The following CYRIB variants were observed in gnomAD, a reference collection of about 807,000 sequenced individuals.
CYRIB encodes CYFIP related Rac1 interactor B.
A neutral mutation model predicts 44.2 loss-of-function variants in CYRIB; 8 were observed. The observed-to-expected ratio is 0.18, with a 90% CI of 0.11 to 0.33. CYRIB has a LOEUF of 0.33. Ranked by LOEUF, CYRIB falls within the 10% of genes least tolerant of loss-of-function variation. CYRIB has a pLI of 1.00. For missense variants in CYRIB, 185 were observed against 382.8 expected (o/e 0.48, Z 4.31); for synonymous variants, 131 against 127.2 (o/e 1.03, Z -0.20).
chr8:129,993,696 CAAAA>C (rs901947850), intron 1 of CYRIB, among the ~76,000 whole-genome samples: 1 of 129,634 alleles, frequency 7.7e-6, no homozygotes, highest in Non-Finnish European at 1.7e-5. Flanking sequence ...AACTCTCTCT[CAAAA>C]AAAAAAAAAA....
intron 4 of CYRIB, among the ~76,000 whole-genome samples, chr8:129,865,848 G>T (rs2053234875): frequency 6.6e-6 from 1 of 152,218 alleles, no homozygotes; most frequent in Non-Finnish European, 1.5e-5. Flanking sequence ...GTAAGCTTTA[G>T]ATAAATACCT....
chr8:129,900,506 T>C (rs1029986449), intron 2 of CYRIB, among the ~76,000 whole-genome samples: 1 of 152,196 alleles, frequency 6.6e-6, no homozygotes, highest in Admixed American at 6.5e-5. Context: ...CTTACCACCG[T>C]ACAGCTTATA....
In CYRIB at chr8:129,964,514, C is replaced by T. The variant is rs573721200; in HGVS notation, c.-243+6429G>A. ...CCCGTTTCCAAAACACCTTGCAGGC[C>T]GTCATGGAATTTCCCTTCCTCTACC... On this transcript the variant is annotated intron_variant, in intron 2 of 14. Coordinates refer to the CYRIB transcript ENST00000401979. Among the ~76,000 whole-genome samples the T allele has an allele frequency of 5.3e-5, 8 of 152,254 alleles. No individual in the cohort carries two copies. In the East Asian group the frequency reaches 5.8e-4, roughly 11 times the overall value.
At chr8:129,853,242 G>A (rs2044310696) in intron 7 of CYRIB, among the ~76,000 whole-genome samples, 2 of 152,186 alleles carry the variant, frequency 1.3e-5, no homozygotes, top group South Asian at 4.1e-4. Flanking sequence ...TATAGGATTG[G>A]CTGCTTTGCT....
intron 1 of CYRIB, among the ~76,000 whole-genome samples, chr8:129,995,541 T>C (rs2091927698): frequency 1.3e-5 from 2 of 152,372 alleles, no homozygotes; most frequent in Admixed American, 1.3e-4. Context: ...GGCCTCGTGC[T>C]GGGCACTGGA....
At position 129,846,779 on chromosome 8, in the gene CYRIB, C is replaced by T. The variant is rs779262705; in HGVS notation, c.911+25G>A. The T allele has an allele frequency of 4.0e-6, 6 of 1,515,882 alleles. No individual in the cohort carries two copies. In the Admixed American group the frequency reaches 8.6e-5, roughly 22 times the overall value. The allele number at this position is 1,515,882 out of a possible 1,614,324, so 93.9% of individuals were successfully genotyped here. ...ATTTTCCTTACAGATTTTTTCTGTA[C>T]ATACGTACACGTACATATACACACC... On this transcript the variant is annotated intron_variant, in intron 11 of 11. Transcript: ENST00000519824.
intron 1 of CYRIB, among the ~76,000 whole-genome samples, chr8:129,981,186 C>A: frequency 6.6e-6 from 1 of 152,184 alleles, no homozygotes; most frequent in Non-Finnish European, 1.5e-5. Flanking sequence ...GTCGCTCAGG[C>A]TGGAGTGCAG....
At chr8:129,935,456 A>G (rs2092626903) in intron 1 of CYRIB, among the ~76,000 whole-genome samples, 1 of 152,152 alleles carries the variant, frequency 6.6e-6, no homozygotes, top group Admixed American at 6.5e-5. Flanking sequence ...CTAATGCACA[A>G]TTCACAACAA....
intron 1 of CYRIB, among the ~76,000 whole-genome samples, chr8:129,992,141 C>T (rs114481359): frequency 0.12 from 17,455 of 151,056 alleles, 1,060 homozygotes; most frequent in South Asian, 0.25. Flanking sequence ...GGCAACATAG[C>T]GAGACTCTGT....
chr8:129,911,919 G>C (rs1275340387), intron 1 of CYRIB, among the ~76,000 whole-genome samples: 1 of 152,166 alleles, frequency 6.6e-6, no homozygotes, highest in Non-Finnish European at 1.5e-5. Flanking sequence ...GCCATGGAGA[G>C]ACTGTAAAAT....
chr8:129,901,269 C>G (rs2071677995), intron 2 of CYRIB, among the ~76,000 whole-genome samples: 1 of 152,092 alleles, frequency 6.6e-6, no homozygotes, highest in Non-Finnish European at 1.5e-5. Context: ...GTTGCCCAGG[C>G]TGGAGTGCAG....
At chr8:130,004,641 G>A (rs1478945915) in intron 1 of CYRIB, 2 of 151,522 alleles carry the variant, frequency 1.3e-5, no homozygotes, top group African/African-American at 4.8e-5. Context: ...GTACTTTATC[G>A]TATATTGTCT....
chr8:130,016,083 G>T (rs1006786287), intron 1 of CYRIB, among the ~76,000 whole-genome samples: 6 of 150,680 alleles, frequency 4.0e-5, no homozygotes, highest in Admixed American at 6.6e-5. Flanking sequence ...GGACCCGGGC[G>T]GCGGCCCCGC....
At chr8:129,841,954 T>C (rs1464856119) in exon 12 of CYRIB, 1 of 566,742 alleles carries the variant, frequency 1.8e-6, no homozygotes, top group Non-Finnish European at 3.1e-6. Context: ...CCCTTCAGAG[T>C]GTAACTTTAC....
intron 2 of CYRIB, among the ~76,000 whole-genome samples, chr8:129,953,914 A>G (rs999766578): frequency 2.0e-5 from 3 of 152,156 alleles, no homozygotes; most frequent in African/African-American, 7.2e-5. Context: ...ACATAAACTA[A>G]AAGTCCGAAA....
In CYRIB at chr8:129,913,962, A is replaced by G. The variant is rs148316439; in HGVS notation, c.-49-10612T>C. ...AATGAGAAATGAAGGTACTGAAAAT[A>G]CAGAATTCTTTATAGTTTTATCCTT... On this transcript the variant is annotated intron_variant, in intron 1 of 11. Coordinates refer to ENST00000519824, the Ensembl canonical transcript of CYRIB. Among the ~76,000 whole-genome samples, 150 of 152,314 alleles carry G rather than the reference A, an allele frequency of 9.8e-4. 1 individual carries two copies. Among genetic ancestry groups the G allele is most frequent in the Middle Eastern group, 3.4e-3 (1 of 294 alleles).
chr8:129,896,395 A>G (rs1189474814), intron 2 of CYRIB, among the ~76,000 whole-genome samples: 1 of 152,226 alleles, frequency 6.6e-6, no homozygotes, highest in Non-Finnish European at 1.5e-5. Flanking sequence ...AAAATCAAGG[A>G]CAAGGTTAAC....
chr8:129,996,415 C>T (rs1251768956), intron 1 of CYRIB, among the ~76,000 whole-genome samples: 1 of 152,122 alleles, frequency 6.6e-6, no homozygotes, highest in Non-Finnish European at 1.5e-5. Context: ...ATCCTCTGAG[C>T]CTAGTACAGT....
chr8:129,973,761 T>G (rs571566170), intron 1 of CYRIB, among the ~76,000 whole-genome samples: 3 of 152,106 alleles, frequency 2.0e-5, no homozygotes, highest in Admixed American at 6.6e-5. Context: ...TGGAGTTCAA[T>G]TCCAGCCTGG....
Sources: gnomAD v4.1 joint callset for allele counts (sites outside exome capture counted in the v4.1 genomes callset) on GRCh38, gnomAD v4.1.1 for gene constraint, MANE v1.5 for transcripts, NCBI Gene and HGNC (gene_info 2026-07-23, HGNC 2026-07-21) for gene names.